DYM: variants seen among roughly 807,000 people sequenced by gnomAD.
The protein encoded by DYM is dymeclin.
In DYM, 78 loss-of-function variants were observed where a neutral mutation model predicts 93.1. That is an observed-to-expected ratio of 0.84 (90% CI 0.70 to 1.01). The LOEUF (loss-of-function observed/expected upper bound fraction) is 1.01, where lower values mean the gene tolerates loss of function less well. Among genes scored for constraint, DYM ranks in the 50% least tolerant of loss-of-function variants. The pLI is 0.00. For missense variants in DYM, 789 were observed against 845.0 expected, an observed-to-expected ratio of 0.93 and a Z score of 0.82; for synonymous variants, 321 against 319.7, an observed-to-expected ratio of 1.00 and a Z score of -0.04.
rs1392245563 is a variant in DYM, at chr18:49,072,713, G to A, written c.2025+24689C>T. 2.6e-5 allele frequency among the ~76,000 whole-genome samples: 4 copies of A among 152,224 alleles called. No homozygotes were observed. The South Asian group carries it at 6.2e-4, about 24-fold the overall frequency. ...GTTTGAGAGCTGAGACTTTATGAAAGGCTCCTTGAAGGAGTCAGCCTGTCT... is the reference window on the plus strand; with the variant it reads ...GTTTGAGAGCTGAGACTTTATGAAAAGCTCCTTGAAGGAGTCAGCCTGTCT... On this transcript the variant is annotated intron_variant, in intron 17 of 17. Transcript: ENST00000675505.
At chr18:49,197,279 TTAAG>T (rs75854834) in intron 14 of DYM, among the ~76,000 whole-genome samples, 12,046 of 151,986 alleles carry the variant, frequency 0.079, 737 homozygotes, top group East Asian at 0.29. Context: ...AGGTAAGAGT[TTAAG>T]TACAGAAAAG....
intron 2 of DYM, among the ~76,000 whole-genome samples, chr18:49,400,181 T>C (rs1420820126): frequency 6.6e-6 from 1 of 152,102 alleles, no homozygotes; most frequent in Non-Finnish European, 1.5e-5. Flanking sequence ...CCTCAGGTGA[T>C]CCACCCACCT....
Position 49,042,164 on chromosome 18 carries a change from T to C in DYM, c.*1891A>G, listed in dbSNP as rs917893339. On this transcript the variant is annotated 3_prime_UTR_variant, in exon 18 of 18. Coordinates refer to ENST00000675505, the MANE Select transcript of DYM (RefSeq NM_001353214.3). ...GCTCTGCCACAAAGCTAAGTATTAG[T>C]AGAAGTTGTTGCCAAGCCTCACCTC... The C allele has an allele frequency of 1.3e-5, 2 of 152,714 alleles. No individual in the cohort carries two copies. The highest frequency in any genetic ancestry group is 4.8e-5 in the African/African-American group (2 of 41,412). The allele number at this position is 152,714 out of a possible 1,614,324, so 9.5% of individuals were successfully genotyped here.
intron 16 of DYM, among the ~76,000 whole-genome samples, chr18:49,111,191 C>A (rs1568439126): frequency 6.7e-6 from 1 of 149,662 alleles, no homozygotes; most frequent in Non-Finnish European, 1.5e-5. Flanking sequence ...ACATATTCTT[C>A]TTTTTTTTTT....
At chr18:49,297,851 A>C (rs994738856) in intron 8 of DYM, among the ~76,000 whole-genome samples, 1 of 152,090 alleles carries the variant, frequency 6.6e-6, no homozygotes, top group Non-Finnish European at 1.5e-5. Context: ...TTGCATCTTT[A>C]TTAAAGGGCA....
intron 17 of DYM, among the ~76,000 whole-genome samples, chr18:49,080,284 G>T (rs370108120): frequency 8.0e-4 from 88 of 109,386 alleles, no homozygotes; most frequent in Admixed American, 1.1e-3. Context: ...TAGGGGCGGC[G>T]GGGCAGAGGC....
chr18:49,374,957 C>CA (rs11445191), intron 5 of DYM, among the ~76,000 whole-genome samples: 81,395 of 146,028 alleles, frequency 0.56, 23,479 homozygotes, highest in Non-Finnish European at 0.66. Flanking sequence ...GAAACTGTCT[C>CA]AAAAAAAAAA....
chr18:49,243,908 G>A (rs1312112122), intron 13 of DYM, among the ~76,000 whole-genome samples: 1 of 152,028 alleles, frequency 6.6e-6, no homozygotes, highest in Non-Finnish European at 1.5e-5. Context: ...GGACTAATGG[G>A]TCCATGAAAG....
intron 13 of DYM, among the ~76,000 whole-genome samples, chr18:49,223,292 G>A (rs916284019): frequency 6.6e-6 from 1 of 152,056 alleles, no homozygotes; most frequent in Non-Finnish European, 1.5e-5. Flanking sequence ...AACTTAGGTC[G>A]GGTAGCAAAT....
intron 15 of DYM, among the ~76,000 whole-genome samples, chr18:49,161,648 T>C (rs1378069271): frequency 1.3e-5 from 2 of 152,178 alleles, no homozygotes; most frequent in African/African-American, 4.8e-5. Context: ...ATTAAAAAAT[T>C]AGAACATTCA....
intron 11 of DYM, among the ~76,000 whole-genome samples, chr18:49,265,647 G>A (rs1425674092): frequency 1.3e-5 from 2 of 151,282 alleles, no homozygotes; most frequent in Admixed American, 6.6e-5. Context: ...GTGTGGTGGC[G>A]GGCGCCTGTA....
At chr18:49,242,012 G>T (rs1432592064) in intron 13 of DYM, among the ~76,000 whole-genome samples, 1 of 152,158 alleles carries the variant, frequency 6.6e-6, no homozygotes, top group Non-Finnish European at 1.5e-5. Context: ...ATGTTCTTCA[G>T]GCGTCTTTCT....
intron 15 of DYM, among the ~76,000 whole-genome samples, chr18:49,137,999 G>A (rs1018578233): frequency 7.9e-5 from 12 of 152,168 alleles, no homozygotes; most frequent in African/African-American, 2.9e-4. Flanking sequence ...TATGCCCAAA[G>A]AATAGGAAAA....
chr18:49,189,618 A>T (rs929686969), intron 14 of DYM, among the ~76,000 whole-genome samples: 1 of 152,236 alleles, frequency 6.6e-6, no homozygotes, highest in Non-Finnish European at 1.5e-5. Flanking sequence ...AGTGAGTTAC[A>T]TTTACACTTT....
intron 16 of DYM, 33 bp downstream of exon 16, chr18:49,118,711 A>G (rs774453523): frequency 8.8e-6 from 14 of 1,586,550 alleles, no homozygotes; most frequent in Admixed American, 1.7e-5. Context: ...TACTTAAAAA[A>G]GAATCATAAT....
intron 14 of DYM, among the ~76,000 whole-genome samples, chr18:49,189,470 G>C (rs2090764865): frequency 6.6e-6 from 1 of 152,096 alleles, no homozygotes. Flanking sequence ...TTTATCTCCA[G>C]AGTAGTTAAA....
chr18:49,430,282 G>GA lies in DYM; in HGVS notation c.112dup (p.Ser38PhefsTer9), dbSNP rs1568431637. The GA allele has an allele frequency of 6.2e-7, 1 of 1,613,920 alleles. No homozygotes were observed. Among genetic ancestry groups the GA allele is most frequent in the South Asian group, 1.1e-5 (1 of 91,080 alleles). ...GCTAGTTGGTGCAGGGAAAGAAAAT[G>GA]AGAGAAGCTGATTCCAGAACGGGTC... On this transcript the variant is annotated frameshift_variant, in exon 2 of 18. Transcript: ENST00000675505. LOFTEE classifies it high-confidence loss of function.
At chr18:49,223,743 G>T (rs1051790460) in intron 13 of DYM, among the ~76,000 whole-genome samples, 7 of 152,024 alleles carry the variant, frequency 4.6e-5, no homozygotes, top group Non-Finnish European at 8.8e-5. Flanking sequence ...GCCAAGATCT[G>T]CAAGATGACT....
Position 49,240,789 on chromosome 18 carries a change from T to C in DYM, c.1460+16221A>G, listed in dbSNP as rs528496542. Among the ~76,000 whole-genome samples, 10 of 152,308 alleles carry C rather than the reference T, an allele frequency of 6.6e-5. No individual in the cohort carries two copies. In the South Asian group the frequency reaches 2.1e-3, roughly 32 times the overall value. ...CACCTGCTTTTCCTCAAGACAATCA[T>C]TGGAACCCAGTATGGAGTAGAAGTG... On this transcript the variant is annotated intron_variant, in intron 13 of 17. Transcript: ENST00000675505.
Sources: gnomAD v4.1 joint callset for allele counts (sites outside exome capture counted in the v4.1 genomes callset) on GRCh38, gnomAD v4.1.1 for gene constraint, MANE v1.5 for transcripts, NCBI Gene and HGNC (gene_info 2026-07-23, HGNC 2026-07-21) for gene names.